Variants in KIF2A observed in about 807,000 individuals in gnomAD.
KIF2A encodes kinesin family member 2A.
Under a neutral mutation model 100.2 loss-of-function variants are expected in KIF2A, and 22 were observed. The observed-to-expected ratio is 0.22, with a 90% CI of 0.16 to 0.31. The LOEUF is 0.31. KIF2A is among the 10% of genes least tolerant of loss of function. KIF2A has a pLI of 1.00. For synonymous variants in KIF2A, 268 were observed against 285.9 expected, an observed-to-expected ratio of 0.94 and a Z score of 0.63; for missense variants, 495 against 898.7, an observed-to-expected ratio of 0.55 and a Z score of 5.74.
intron 1 of KIF2A, among the ~76,000 whole-genome samples, chr5:62,325,987 A>T (rs952226319): frequency 1.3e-5 from 2 of 152,160 alleles, no homozygotes; most frequent in Admixed American, 1.3e-4. Flanking sequence ...TAGAGGAAGG[A>T]GGGTGGGAAG....
intron 1 of KIF2A, among the ~76,000 whole-genome samples, chr5:62,319,972 A>G (rs187818281): frequency 6.6e-6 from 1 of 152,308 alleles, no homozygotes; most frequent in African/African-American, 2.4e-5. Flanking sequence ...CCAAGAGACA[A>G]AAATATTACT....
At chr5:62,377,792 T>TA (rs1741612938) in intron 19 of KIF2A, 30 bp downstream of exon 19, 3 of 1,144,416 alleles carry the variant, frequency 2.6e-6, no homozygotes. Context: ...TCCTTCAAAA[T>TA]ATTTCTTGAG....
intron 1 of KIF2A, among the ~76,000 whole-genome samples, chr5:62,334,754 G>A (rs957912065): frequency 6.6e-6 from 1 of 152,116 alleles, no homozygotes; most frequent in African/African-American, 2.4e-5. Context: ...CGTTCAGGGT[G>A]TCCCCCTGGA....
chr5:62,368,174 C>G (rs1741166356), intron 16 of KIF2A, among the ~76,000 whole-genome samples: 1 of 152,096 alleles, frequency 6.6e-6, no homozygotes, highest in South Asian at 2.1e-4. Flanking sequence ...TGTGCTCCTT[C>G]CTGTTCACAA....
Position 62,363,317 on chromosome 5 carries a change from G to A in KIF2A, c.1259G>A (p.Cys420Tyr). 1 of 1,610,058 alleles carries A rather than the reference G, an allele frequency of 6.2e-7. No homozygotes were observed. Among genetic ancestry groups the A allele is most frequent in the Non-Finnish European group, 8.5e-7 (1 of 1,178,718 alleles). Residue 420 changes from cysteine to tyrosine, a missense_variant, in exon 13 of 21, where the codon TGC becomes TAC. Cys to Tyr is a radical substitution (Grantham distance 194). This residue lies in a region of KIF2A where 38 missense variants were observed against 99.5 expected (regional missense o/e 0.38). Coordinates refer to ENST00000407818, the MANE Select transcript of KIF2A (RefSeq NM_001098511.3). Reference sequence around the variant, plus strand: ...AAACTCATTGACATAGGCAACAGTTGCAGGTAAATCTCATTTTGATTAAGA... The same window carrying A: ...AAACTCATTGACATAGGCAACAGTTACAGGTAAATCTCATTTTGATTAAGA... ...VLKLIDIGNS[C>Y]RTSGQTSANA...
At position 62,389,044 on chromosome 5, in the gene KIF2A, T is replaced by C. The variant is rs201483521; in HGVS notation, c.*3475T>C. On this transcript the variant is annotated 3_prime_UTR_variant, in exon 21 of 21. Coordinates refer to ENST00000407818, the MANE Select transcript of KIF2A (RefSeq NM_001098511.3). ...ATGAATACCTTCTGCGTTGAATCCATGTAGCAATCTGAAAAAAGAAATCAA... is the reference window on the plus strand; with the variant it reads ...ATGAATACCTTCTGCGTTGAATCCACGTAGCAATCTGAAAAAAGAAATCAA... The C allele has an allele frequency of 1.2e-6, 2 of 1,604,608 alleles. No individual in the cohort carries two copies. The highest frequency in any genetic ancestry group is 2.2e-5 in the East Asian group (1 of 44,632).
At chr5:62,340,052 C>G (rs1016688604) in intron 1 of KIF2A, among the ~76,000 whole-genome samples, 1 of 151,094 alleles carries the variant, frequency 6.6e-6, no homozygotes, top group African/African-American at 2.4e-5. Flanking sequence ...AATTCTGCAT[C>G]AGCCTCCTGA....
At chr5:62,321,585 T>C (rs1746092458) in intron 1 of KIF2A, among the ~76,000 whole-genome samples, 1 of 152,144 alleles carries the variant, frequency 6.6e-6, no homozygotes, top group Non-Finnish European at 1.5e-5. Flanking sequence ...TTTTAAAGGA[T>C]AGAGTCTTAT....
Position 62,387,584 on chromosome 5 carries a change from A to AGAT in KIF2A, c.*2016_*2018dup, listed in dbSNP as rs936303592. 2 of 151,992 alleles carry AGAT rather than the reference A, an allele frequency of 1.3e-5. No individual in the cohort carries two copies. Among genetic ancestry groups the AGAT allele is most frequent in the Non-Finnish European group, 2.9e-5 (2 of 68,020 alleles). 9.4% of individuals were successfully genotyped at this position (151,992 alleles called of 1,614,324 possible). On this transcript the variant is annotated 3_prime_UTR_variant, in exon 21 of 21. Coordinates refer to ENST00000407818, the MANE Select transcript of KIF2A (RefSeq NM_001098511.3). ...ATATAATACAGTCCTTCAGCTTTAC[A>AGAT]GATAGTGAAAACTGAAGGCCAGAAA...
At chr5:62,358,804 G>GGGAC (rs1178745022) in intron 9 of KIF2A, among the ~76,000 whole-genome samples, 2 of 152,078 alleles carry the variant, frequency 1.3e-5, no homozygotes, top group Non-Finnish European at 2.9e-5. Context: ...CTGAGTAGCT[G>GGGAC]GGACCACAGG....
chr5:62,317,227 T>A (rs1745862200), intron 1 of KIF2A, among the ~76,000 whole-genome samples: 1 of 152,298 alleles, frequency 6.6e-6, no homozygotes, highest in Admixed American at 6.5e-5. Flanking sequence ...TTTGTATTTT[T>A]AGTAGAGATG....
chr5:62,378,217 AGGGT>A (rs1741625673), intron 19 of KIF2A, among the ~76,000 whole-genome samples: 1 of 152,196 alleles, frequency 6.6e-6, no homozygotes, highest in African/African-American at 2.4e-5. Flanking sequence ...AGTTAAGGGA[AGGGT>A]GTTATATCAC....
At chr5:62,378,158 CTACT>C (rs1479085394) in intron 19 of KIF2A, among the ~76,000 whole-genome samples, 1 of 152,180 alleles carries the variant, frequency 6.6e-6, no homozygotes, top group African/African-American at 2.4e-5. Flanking sequence ...AAAAGAGAGA[CTACT>C]TACTTCAGGA....
intron 1 of KIF2A, chr5:62,306,845 C>A (rs1024668555): frequency 5.5e-5 from 21 of 380,312 alleles, no homozygotes; most frequent in Admixed American, 1.0e-4. Context: ...CCCGCAATCT[C>A]CAGCCCCCCC....
Position 62,372,345 on chromosome 5 carries a change from A to C in KIF2A, c.1647-93A>C, listed in dbSNP as rs533580260. 1.7e-4 allele frequency: 115 copies of C among 696,030 alleles called. 1 individual carries two copies. In the South Asian group the frequency reaches 1.9e-3, roughly 12 times the overall value. 43.1% of individuals were successfully genotyped at this position (696,030 alleles called of 1,614,324 possible). A position where few individuals can be genotyped will look rare whatever the true frequency, so the allele number is the denominator to read the frequency against. On this transcript the variant is annotated intron_variant, in intron 16 of 20. Coordinates refer to ENST00000407818, the MANE Select transcript of KIF2A (RefSeq NM_001098511.3). ...CACAACAATATCAATATCCTTTTCTAAACAAAAGTGAATACTAAATGAAAA... is the reference window on the plus strand; with the variant it reads ...CACAACAATATCAATATCCTTTTCTCAACAAAAGTGAATACTAAATGAAAA...
At chr5:62,346,749 T>A (rs973597934) in intron 1 of KIF2A, among the ~76,000 whole-genome samples, 10 of 152,046 alleles carry the variant, frequency 6.6e-5, no homozygotes, top group African/African-American at 2.4e-4. Context: ...GGAAAAAAAA[T>A]TTTGCTTTAT....
Position 62,390,108 on chromosome 5 carries a change from G to T in KIF2A, c.*4539G>T, listed in dbSNP as rs536357545. Among the ~76,000 whole-genome samples, 100 of 152,256 alleles carry T rather than the reference G, an allele frequency of 6.6e-4. No individual in the cohort carries two copies. Among genetic ancestry groups the T allele is most frequent in the African/African-American group, 2.3e-3 (97 of 41,550 alleles). On this transcript the variant is annotated 3_prime_UTR_variant, in exon 21 of 21. Transcript: ENST00000407818. The stretch of plus-strand genomic sequence containing the variant: ...GAAAAAGTCAAACCAATGACTTTTA[G>T]AACAATCTACTCTCATTTTTTATTC...
intron 19 of KIF2A, among the ~76,000 whole-genome samples, chr5:62,378,357 A>C (rs750486778): frequency 5.9e-5 from 9 of 152,112 alleles, no homozygotes; most frequent in Non-Finnish European, 1.3e-4. Flanking sequence ...GTGATATTTG[A>C]GGGAGTGAAG....
chr5:62,332,385 G>C (rs1402905731), intron 1 of KIF2A, among the ~76,000 whole-genome samples: 2 of 152,014 alleles, frequency 1.3e-5, no homozygotes, highest in Non-Finnish European at 2.9e-5. Context: ...CATGTATCTT[G>C]ATATTTACCA....
Sources: gnomAD v4.1 joint callset for allele counts (sites outside exome capture counted in the v4.1 genomes callset) on GRCh38, gnomAD v4.1.1 for gene constraint, gnomAD v4.1.1 regional missense constraint, MANE v1.5 for transcripts, NCBI Gene and HGNC (gene_info 2026-07-23, HGNC 2026-07-21) for gene names.